Variants in SLC38A1 observed in about 807,000 individuals in gnomAD.
The protein encoded by SLC38A1 is solute carrier family 38 member 1.
Under a neutral mutation model 60.3 loss-of-function variants are expected in SLC38A1, and 18 were observed. The ratio of observed to expected loss-of-function variants is 0.30; its 90% CI spans 0.21 to 0.44. The LOEUF (loss-of-function observed/expected upper bound fraction) is 0.44. SLC38A1 is among the 20% of genes least tolerant of loss of function. SLC38A1 has a pLI of 1.00. For synonymous variants in SLC38A1, 196 were observed against 212.1 expected (o/e 0.92, Z 0.66); for missense variants, 448 against 587.2 (o/e 0.76, Z 2.45).
At chr12:46,191,025 G>A (rs543690983) in intron 16 of SLC38A1, among the ~76,000 whole-genome samples, 2 of 152,244 alleles carry the variant, frequency 1.3e-5, no homozygotes, top group South Asian at 2.1e-4. Flanking sequence ...TGTCCTGAAT[G>A]GTATTGCCTA....
At chr12:46,201,025 A>G in intron 13 of SLC38A1, 73 bp downstream of exon 13, 1 of 1,121,578 alleles carries the variant, frequency 8.9e-7, no homozygotes, top group Non-Finnish European at 1.3e-6. Flanking sequence ...TCATGTTAAA[A>G]GTTATTTCAA....
intron 3 of SLC38A1, among the ~76,000 whole-genome samples, chr12:46,238,008 A>G (rs1029286259): frequency 6.6e-6 from 1 of 151,734 alleles, no homozygotes; most frequent in African/African-American, 2.4e-5. Context: ...AAATACACAA[A>G]TTTTAGACAG....
chr12:46,234,347 G>A (rs1266690549), intron 3 of SLC38A1, among the ~76,000 whole-genome samples: 5 of 152,124 alleles, frequency 3.3e-5, no homozygotes, highest in African/African-American at 1.2e-4. Context: ...CAATAAGAAT[G>A]AAGTACTTAA....
chr12:46,197,756 T>C lies in SLC38A1; in HGVS notation c.1326A>G (p.Thr442=). The part of the protein sequence containing the change: ...ILPSSLYLKI[T]DQDGDKGTQR... ...GAGTTCCTTTATCTCCATCCTGGTC[T>C]GTGATTTTTAAATAAAGAGATGAAG... The change falls in exon 16 of 17, where the codon ACA becomes ACG. Residue 442 remains threonine (T), a synonymous_variant. Transcript: ENST00000398637. The C allele has an allele frequency of 6.2e-7, 1 of 1,603,108 alleles. No homozygotes were observed. Among genetic ancestry groups the C allele is most frequent in the Non-Finnish European group, 8.5e-7 (1 of 1,176,958 alleles).
chr12:46,247,363 A>C (rs895546368), intron 1 of SLC38A1, among the ~76,000 whole-genome samples: 5 of 152,228 alleles, frequency 3.3e-5, no homozygotes, highest in Non-Finnish European at 7.3e-5. Context: ...GCTGAAAACC[A>C]TGGCACGAGA....
At chr12:46,203,442 CTG>C (rs1352654545) in intron 11 of SLC38A1, among the ~76,000 whole-genome samples, 2 of 152,162 alleles carry the variant, frequency 1.3e-5, no homozygotes, top group Non-Finnish European at 2.9e-5. Flanking sequence ...AGTAGGCAGA[CTG>C]TGGCTGTTCT....
At chr12:46,192,945 G>A (rs528411135) in intron 16 of SLC38A1, among the ~76,000 whole-genome samples, 16 of 152,076 alleles carry the variant, frequency 1.1e-4, no homozygotes, top group East Asian at 3.9e-4. Flanking sequence ...ATTCTGCTCC[G>A]ATCTTAGTTA....
At position 46,186,737 on chromosome 12, in the gene SLC38A1, A is replaced by C. The variant is rs553111191; in HGVS notation, c.*2233T>G. 1 of 152,362 alleles carries C rather than the reference A, an allele frequency of 6.6e-6. No individual in the cohort carries two copies. The highest frequency in any genetic ancestry group is 2.4e-5 in the African/African-American group (1 of 41,592). 9.4% of individuals were successfully genotyped at this position (152,362 alleles called of 1,614,324 possible). ...AAATAAATATTCCTTGTATTGACACATGAAACCCAGAGGCCCAAAAATATC... is the reference window on the plus strand; with the variant it reads ...AAATAAATATTCCTTGTATTGACACCTGAAACCCAGAGGCCCAAAAATATC... On this transcript the variant is annotated 3_prime_UTR_variant, in exon 17 of 17. Transcript: ENST00000398637.
At chr12:46,196,991 C>T (rs1939406121) in intron 16 of SLC38A1, among the ~76,000 whole-genome samples, 1 of 152,218 alleles carries the variant, frequency 6.6e-6, no homozygotes, top group African/African-American at 2.4e-5. Context: ...TTAATTAAGG[C>T]ATTGCATGTT....
chr12:46,206,194 T>C (rs531101400), intron 8 of SLC38A1, 32 bp from the exon 9 acceptor site: 1 of 1,434,200 alleles, frequency 7.0e-7, no homozygotes. Flanking sequence ...AGGTTATATT[T>C]TTTTAGAAAG....
At chr12:46,248,928 G>A (rs1412019818) in intron 1 of SLC38A1, among the ~76,000 whole-genome samples, 14 of 151,896 alleles carry the variant, frequency 9.2e-5, no homozygotes, top group Non-Finnish European at 1.0e-4. Flanking sequence ...AGGCCGAGGC[G>A]GGCAGATCAC....
chr12:46,195,833 ACCGTTTCTC>A, intron 16 of SLC38A1: 1 of 308,126 alleles, frequency 3.2e-6, no homozygotes, highest in Non-Finnish European at 6.5e-6. Flanking sequence ...TCAGGAGTGT[ACCGTTTCTC>A]CAGTTACAGT....
intron 3 of SLC38A1, among the ~76,000 whole-genome samples, chr12:46,235,976 G>A (rs943387673): frequency 6.6e-6 from 1 of 152,114 alleles, no homozygotes. Context: ...CCAAAACCTA[G>A]AGCAATGTCA....
intron 16 of SLC38A1, among the ~76,000 whole-genome samples, chr12:46,193,699 C>G (rs1022819788): frequency 1.3e-5 from 2 of 151,846 alleles, no homozygotes; most frequent in South Asian, 4.1e-4. Flanking sequence ...CCCTCTTTAT[C>G]TCTTTTGATC....
At chr12:46,197,851 T>G in intron 15 of SLC38A1, 34 bp from the exon 16 acceptor site, 1 of 1,602,696 alleles carries the variant, frequency 6.2e-7, no homozygotes, top group Non-Finnish European at 8.5e-7. Flanking sequence ...AGTTTAGCAT[T>G]GCTATTGTGA....
chr12:46,206,191 AT>A, intron 8 of SLC38A1, 29 bp from the exon 9 acceptor site: 15 of 1,440,710 alleles, frequency 1.0e-5, no homozygotes, highest in Non-Finnish European at 1.2e-5. Context: ...ATTAGGTTAT[AT>A]TTTTTTAGAA....
chr12:46,242,813 T>A (rs1405075187), intron 2 of SLC38A1, among the ~76,000 whole-genome samples: 4 of 151,966 alleles, frequency 2.6e-5, no homozygotes, highest in Admixed American at 1.3e-4. Flanking sequence ...AAAAAATAAA[T>A]AAAAGCAACA....
At chr12:46,231,921 C>A (rs944156403) in intron 3 of SLC38A1, among the ~76,000 whole-genome samples, 1 of 152,214 alleles carries the variant, frequency 6.6e-6, no homozygotes, top group African/African-American at 2.4e-5. Flanking sequence ...CAGCCTCATA[C>A]ACTTTTTTCA....
rs753049164 is a variant in SLC38A1 at position 46,207,142 on chromosome 12, G to A, written c.563+13C>T. 1.3e-6 allele frequency: 2 copies of A among 1,565,480 alleles called. No homozygotes were observed. Among genetic ancestry groups the A allele is most frequent in the Non-Finnish European group, 8.8e-7 (1 of 1,142,248 alleles). ...ATTTTAGTTATATCATAAAAAAATG[G>A]TCTATAACTTACGAAAATGTCTCTT... On this transcript the variant is annotated intron_variant, in intron 8 of 16. Transcript: ENST00000398637.
Sources: allele counts gnomAD v4.1 joint callset (sites outside exome capture counted in the v4.1 genomes callset), GRCh38; gene constraint gnomAD v4.1.1; transcripts MANE v1.5; gene names NCBI Gene and HGNC (gene_info 2026-07-23, HGNC 2026-07-21).